The following CR1 variants were observed in gnomAD, a reference collection of about 807,000 sequenced individuals.
The protein encoded by CR1 is complement C3b/C4b receptor 1 (Knops blood group), also known as complement receptor type 1.
A neutral mutation model predicts 187.3 loss-of-function variants in CR1; 116 were observed. The ratio of observed to expected loss-of-function variants is 0.62; its 90% confidence interval spans 0.53 to 0.72. CR1 has a LOEUF of 0.72. CR1 is among the 30% of genes least tolerant of loss of function. CR1 has a pLI of 0.00. For synonymous variants in CR1, 576 were observed against 747.1 expected (o/e 0.77, Z 3.73); for missense variants, 1,731 against 2,110.7 (o/e 0.82, Z 3.52).
In CR1 at chr1:207,618,112, G is replaced by A. The variant is rs989464561; in HGVS notation, c.6931G>A (p.Gly2311Arg). The change falls in exon 42 of 47, where the codon GGA becomes AGA. Residue 2311 changes from glycine to arginine, a missense_variant. Transcript: ENST00000367049. ...PPKIQNGHYI[G>R]GHVSLYLPGM... ...CAAGATCCAAAACGGGCATTACATT[G>A]GAGGACACGTATCTCTATATCTTCC... 1.2e-6 allele frequency: 2 copies of A among 1,613,884 alleles called. No homozygotes were observed.
chr1:207,575,780 T>C (rs1290695493), intron 28 of CR1, 100 bp downstream of exon 28: 2 of 1,565,162 alleles, frequency 1.3e-6, no homozygotes, highest in African/African-American at 1.4e-5. Context: ...GGAAATGGTA[T>C]CCTTCTGATA....
intron 3 of CR1, among the ~76,000 whole-genome samples, chr1:207,508,555 G>A (rs1169302298): frequency 6.6e-6 from 1 of 152,156 alleles, no homozygotes; most frequent in Non-Finnish European, 1.5e-5. Context: ...GGTAAAACAG[G>A]AAATTTGAAC....
intron 33 of CR1, among the ~76,000 whole-genome samples, chr1:207,586,141 T>TGTA (rs925667758): frequency 6.6e-6 from 1 of 151,838 alleles, no homozygotes; most frequent in African/African-American, 2.4e-5. Flanking sequence ...TGTGTGTGTG[T>TGTA]GTGTGCTTTT....
At position 207,611,677 on chromosome 1, in the gene CR1, T is replaced by C. The variant is rs541247689; in HGVS notation, c.6296T>C (p.Val2099Ala). Residue 2099 changes from valine to alanine, a missense_variant and splice_region_variant, in exon 38 of 47, where the codon GTG becomes GCG. Physicochemically the swap from Val to Ala is moderately conservative, Grantham distance 64 (BLOSUM62 0). Coordinates refer to ENST00000367049, the MANE Select transcript of CR1 (RefSeq NM_000651.6). ...TGCTCTGGAACTGTCCTTTCCACAG[T>C]GTGTCAGCCGCCTCCAGAAATCCTG... ...WGPKLPHCSRVCQPPPEILHG... is the reference protein window; with the variant it reads ...WGPKLPHCSRACQPPPEILHG... 3.3e-5 allele frequency: 54 copies of C among 1,613,730 alleles called. 1 individual carries two copies. The highest frequency in any genetic ancestry group is 9.9e-5 in the South Asian group (9 of 91,074).
At chr1:207,580,142 G>A (rs1660887769) in intron 29 of CR1, 98 bp from the exon 30 acceptor site, 1 of 1,515,706 alleles carries the variant, frequency 6.6e-7, no homozygotes, top group Non-Finnish European at 8.9e-7. Flanking sequence ...GGGAGAATTG[G>A]GTTCTATTTC....
intron 31 of CR1, 32 bp from the exon 32 acceptor site, chr1:207,581,886 A>G (rs757272769): frequency 6.8e-7 from 1 of 1,471,224 alleles, no homozygotes. Flanking sequence ...GAAATGGTGC[A>G]TTCATCCAGC....
intron 23 of CR1, among the ~76,000 whole-genome samples, chr1:207,565,365 G>A (rs899632516): frequency 3.3e-5 from 5 of 150,272 alleles, no homozygotes; most frequent in South Asian, 2.1e-4. Flanking sequence ...CCTTCTTCAC[G>A]CCATCACAGA....
At chr1:207,504,965 T>C (rs188510792) in intron 1 of CR1, among the ~76,000 whole-genome samples, 1 of 152,254 alleles carries the variant, frequency 6.6e-6, no homozygotes, top group East Asian at 1.9e-4. Flanking sequence ...GAAACCCTAT[T>C]GTGAACTGTG....
At chr1:207,565,754 G>T in intron 23 of CR1, 84 bp from the exon 24 acceptor site, 1 of 1,582,996 alleles carries the variant, frequency 6.3e-7, no homozygotes, top group Non-Finnish European at 8.6e-7. Flanking sequence ...TCAAAATCCT[G>T]AAATTGGGGC....
At chr1:207,597,275 T>C (rs12088627) in intron 35 of CR1, among the ~76,000 whole-genome samples, 151 of 152,228 alleles carry the variant, frequency 9.9e-4, no homozygotes, top group African/African-American at 3.3e-3. Flanking sequence ...ATAGTAAATG[T>C]GAATGATTCC....
chr1:207,639,663 A>G lies in CR1; in HGVS notation c.*254A>G, dbSNP rs1662922348. ...ACACAGTATCTAGTCAGGGGAAAAG[A>G]CTGCATTTAGGAGATAGAAAATAGT... On this transcript the variant is annotated 3_prime_UTR_variant, in exon 47 of 47. Transcript: ENST00000367049. 4.9e-6 allele frequency: 2 copies of G among 411,532 alleles called. No homozygotes were observed. Among genetic ancestry groups the G allele is most frequent in the East Asian group, 7.5e-5 (2 of 26,822 alleles). The allele number at this position is 411,532 out of a possible 1,614,324, so 25.5% of individuals were successfully genotyped here.
intron 42 of CR1, 33 bp from the exon 43 acceptor site, chr1:207,619,847 A>G: frequency 6.5e-7 from 1 of 1,531,638 alleles, no homozygotes; most frequent in Non-Finnish European, 8.8e-7. Context: ...CAACAATAAA[A>G]TATCAATTTC....
At chr1:207,508,933 C>T (rs1012680458) in intron 3 of CR1, among the ~76,000 whole-genome samples, 6 of 152,166 alleles carry the variant, frequency 3.9e-5, no homozygotes, top group Admixed American at 2.0e-4. Context: ...ACCTTATGTC[C>T]TCCACTTTGG....
chr1:207,618,110 T>C lies in CR1; in HGVS notation c.6929T>C (p.Ile2310Thr). 1.2e-6 allele frequency: 2 copies of C among 1,613,926 alleles called. No homozygotes were observed. The highest frequency in any genetic ancestry group is 1.7e-6 in the Non-Finnish European group (2 of 1,179,846). The part of the protein sequence containing the change: ...HPPKIQNGHY[I>T]GGHVSLYLPG... ...CCCAAGATCCAAAACGGGCATTACA[T>C]TGGAGGACACGTATCTCTATATCTT... The change falls in exon 42 of 47, where the codon ATT (isoleucine) becomes ACT (threonine). Residue 2310 changes from isoleucine (I) to threonine (T), a missense_variant. Physicochemically the swap from Ile to Thr is moderately conservative, Grantham distance 89. This residue lies in a region of CR1 where 1,312 missense variants were observed against 1,379.6 expected (regional missense o/e 0.95). Coordinates refer to ENST00000367049, the MANE Select transcript of CR1 (RefSeq NM_000651.6).
At chr1:207,520,409 A>G (rs974809402) in intron 4 of CR1, among the ~76,000 whole-genome samples, 1 of 152,214 alleles carries the variant, frequency 6.6e-6, no homozygotes, top group African/African-American at 2.4e-5. Context: ...TGCTTTCTTT[A>G]AACTCACCAA....
rs554240356 is a variant in CR1, at chr1:207,564,620, G to A, written c.3866+386G>A. ...GTTGGAGACCAGCCTGGACAACATG[G>A]TGAAACCCTGTCTCTACTAAAAATA... On this transcript the variant is annotated intron_variant, in intron 23 of 46. Coordinates refer to ENST00000367049, the MANE Select transcript of CR1 (RefSeq NM_000651.6). Among the ~76,000 whole-genome samples the A allele has an allele frequency of 3.8e-4, 57 of 150,136 alleles. 2 individuals are homozygous for A. The highest frequency in any genetic ancestry group is 2.7e-3 in the Admixed American group (41 of 15,230).
At position 207,496,304 on chromosome 1, in the gene CR1, G is replaced by C. The variant is rs1276701863; in HGVS notation, c.37G>C (p.Gly13Arg). ...ASSPRSPEPVGPPAPGLPFCC... is the reference protein window; with the variant it reads ...ASSPRSPEPVRPPAPGLPFCC... ...TTCTCCAAGAAGCCCGGAGCCTGTC[G>C]GGCCGCCGGCGCCCGGTCTCCCCTT... Residue 13 changes from glycine to arginine, a missense_variant, in exon 1 of 47, where the codon GGG (glycine) becomes CGG (arginine). Coordinates refer to ENST00000367049, the MANE Select transcript of CR1 (RefSeq NM_000651.6). The C allele has an allele frequency of 1.9e-6, 3 of 1,613,616 alleles. No homozygotes were observed. The highest frequency in any genetic ancestry group is 1.7e-6 in the Non-Finnish European group (2 of 1,179,862).
Position 207,580,265 on chromosome 1 carries a change from G to A in CR1, c.4962G>A (p.Leu1654=). ...TGTGTCAGCCGCCTCCAGAAATCCT[G>A]CATGGTGAGCATACCCCAAGCCATC... The part of the protein sequence containing the change: ...SRVCQPPPEI[L]HGEHTPSHQD... The change falls in exon 30 of 47, where the codon CTG becomes CTA. Residue 1654 remains leucine (L), a synonymous_variant. Coordinates refer to ENST00000367049, the MANE Select transcript of CR1 (RefSeq NM_000651.6). The A allele has an allele frequency of 6.2e-7, 1 of 1,613,818 alleles. No individual in the cohort carries two copies. The highest frequency in any genetic ancestry group is 8.5e-7 in the Non-Finnish European group (1 of 1,179,832).
rs1161365397 is a variant in CR1 at position 207,618,116 on chromosome 1, G to A, written c.6935G>A (p.Gly2312Glu). The A allele has an allele frequency of 6.2e-7, 1 of 1,613,882 alleles. No homozygotes were observed. The highest frequency in any genetic ancestry group is 1.3e-5 in the African/African-American group (1 of 75,034). ...PKIQNGHYIG[G>E]HVSLYLPGMT... ...ATCCAAAACGGGCATTACATTGGAG[G>A]ACACGTATCTCTATATCTTCCTGGG... is the stretch of plus-strand genomic sequence containing the variant. Residue 2312 changes from glycine to glutamate, a missense_variant, in exon 42 of 47, where the codon GGA (glycine) becomes GAA (glutamate). This residue lies in a region of CR1 where 1,312 missense variants were observed against 1,379.6 expected (regional missense o/e 0.95). Coordinates refer to ENST00000367049, the MANE Select transcript of CR1 (RefSeq NM_000651.6).
Sources: gnomAD v4.1 joint callset for allele counts (sites outside exome capture counted in the v4.1 genomes callset) on GRCh38, gnomAD v4.1.1 for gene constraint, gnomAD v4.1.1 regional missense constraint, MANE v1.5 for transcripts, NCBI Gene and HGNC (gene_info 2026-07-23, HGNC 2026-07-21) for gene names.